The following C1orf105 variants were observed in gnomAD, a reference collection of about 807,000 sequenced individuals.
The protein encoded by C1orf105 is uncharacterized protein C1orf105.
Under a neutral mutation model 20.8 loss-of-function variants are expected in C1orf105, and 17 were observed. The ratio of observed to expected loss-of-function variants is 0.82; its 90% CI spans 0.56 to 1.23. The LOEUF (loss-of-function observed/expected upper bound fraction) is 1.23, where lower values mean the gene tolerates loss of function less well. Among genes scored for constraint, C1orf105 ranks in the 50% most tolerant of loss-of-function variants. C1orf105 has a pLI of 0.00. For missense variants in C1orf105, 219 were observed against 213.5 expected (o/e 1.03, Z -0.16); for synonymous variants, 72 against 72.1 (o/e 1.00, Z 0.01).
chr1:172,430,420 T>A, intron 1 of C1orf105: 1 of 618,260 alleles, frequency 1.6e-6, no homozygotes. Flanking sequence ...AATGAATTTT[T>A]AATTTGCAAT....
chr1:172,455,479 T>C (rs976419303), intron 3 of C1orf105, among the ~76,000 whole-genome samples: 2 of 152,230 alleles, frequency 1.3e-5, no homozygotes, highest in Admixed American at 1.3e-4. Flanking sequence ...TTCTGCACTT[T>C]CTGTGACCAT....
Position 172,420,925 on chromosome 1 carries a change from A to T in C1orf105, c.21+19A>T. The T allele has an allele frequency of 6.3e-7, 1 of 1,596,190 alleles. No individual in the cohort carries two copies. The highest frequency in any genetic ancestry group is 8.6e-7 in the Non-Finnish European group (1 of 1,164,536). ...ACTAAAGGTAGGAAAAAAATAAATG[A>T]AACTTCCAATTCTTTCCTTATGGGG... On this transcript the variant is annotated intron_variant, in intron 1 of 6. Coordinates refer to ENST00000367727, the MANE Select transcript of C1orf105 (RefSeq NM_139240.4).
intron 1 of C1orf105, among the ~76,000 whole-genome samples, chr1:172,434,380 G>T (rs1440078599): frequency 6.6e-6 from 1 of 152,148 alleles, no homozygotes; most frequent in Non-Finnish European, 1.5e-5. Context: ...AAATGTAAAA[G>T]AACAGAAATC....
chr1:172,434,755 G>A (rs949797033), intron 1 of C1orf105, among the ~76,000 whole-genome samples: 1 of 152,182 alleles, frequency 6.6e-6, no homozygotes, highest in African/African-American at 2.4e-5. Flanking sequence ...GATCAGAGCA[G>A]AACTGAAGGA....
chr1:172,438,302 G>C (rs948471353), intron 1 of C1orf105, among the ~76,000 whole-genome samples: 1 of 152,306 alleles, frequency 6.6e-6, no homozygotes, highest in East Asian at 1.9e-4. Flanking sequence ...TCCTCTGATG[G>C]ATCTAGGCAT....
chr1:172,446,949 T>C (rs1648084403), intron 2 of C1orf105, among the ~76,000 whole-genome samples: 1 of 152,194 alleles, frequency 6.6e-6, no homozygotes, highest in South Asian at 2.1e-4. Context: ...GCAATCTTAA[T>C]TCTTGTTTAG....
At chr1:172,434,623 T>C (rs1016074245) in intron 1 of C1orf105, among the ~76,000 whole-genome samples, 6 of 152,232 alleles carry the variant, frequency 3.9e-5, no homozygotes, top group African/African-American at 1.4e-4. Flanking sequence ...GGGAAATTTA[T>C]AGCACTAAAT....
At chr1:172,441,360 C>CTT (rs1647282519) in intron 1 of C1orf105, 1 of 16,580 alleles carries the variant, frequency 6.0e-5, no homozygotes, top group Non-Finnish European at 2.0e-4. Context: ...TTTACACACA[C>CTT]ACACACACAC....
At chr1:172,433,351 A>C (rs1277480755) in intron 1 of C1orf105, among the ~76,000 whole-genome samples, 1 of 152,194 alleles carries the variant, frequency 6.6e-6, no homozygotes, top group Admixed American at 6.5e-5. Context: ...GGCAGCCAGA[A>C]AGAAAGGTCA....
Position 172,462,262 on chromosome 1 carries a change from A to T in C1orf105, c.341+17A>T. On this transcript the variant is annotated intron_variant, in intron 5 of 6. Coordinates refer to ENST00000367727, the MANE Select transcript of C1orf105 (RefSeq NM_139240.4). Reference sequence around the variant, plus strand: ...GAGTTATAGGTAAGTCAACAATTTAAATCAGGACATGACTTAATTCTTGTT... The same window carrying T: ...GAGTTATAGGTAAGTCAACAATTTATATCAGGACATGACTTAATTCTTGTT... The T allele has an allele frequency of 6.4e-7, 1 of 1,568,536 alleles. No homozygotes were observed.
chr1:172,456,772 A>G (rs1649296906), intron 4 of C1orf105, among the ~76,000 whole-genome samples: 1 of 152,188 alleles, frequency 6.6e-6, no homozygotes, highest in Non-Finnish European at 1.5e-5. Context: ...ACAGCCTCTC[A>G]GAGGCTTAGG....
intron 2 of C1orf105, 65 bp downstream of exon 2, chr1:172,445,223 A>G (rs1374424290): frequency 3.9e-6 from 5 of 1,297,086 alleles, no homozygotes; most frequent in African/African-American, 1.5e-5. Flanking sequence ...ATTTCTTCTT[A>G]AGGGATGGGG....
At chr1:172,422,065 C>G (rs1377877527) in intron 1 of C1orf105, among the ~76,000 whole-genome samples, 1 of 152,132 alleles carries the variant, frequency 6.6e-6, no homozygotes, top group African/African-American at 2.4e-5. Flanking sequence ...GCCACAACAA[C>G]TGCAATACCC....
At chr1:172,420,932 C>T (rs920291577) in intron 1 of C1orf105, 26 bp downstream of exon 1, 2 of 1,584,270 alleles carry the variant, frequency 1.3e-6, no homozygotes, top group Non-Finnish European at 8.7e-7. Context: ...ATGAAACTTC[C>T]AATTCTTTCC....
rs190716436 is a variant in C1orf105 at position 172,460,990 on chromosome 1, A to G, written c.274-1188A>G. ...ATTTAGAACAGCAATCATGCTATTCAGGAGGAGTTACAGTTTCCTGCATCT... is the reference window on the plus strand; with the variant it reads ...ATTTAGAACAGCAATCATGCTATTCGGGAGGAGTTACAGTTTCCTGCATCT... On this transcript the variant is annotated intron_variant, in intron 4 of 6. Coordinates refer to ENST00000367727, the MANE Select transcript of C1orf105 (RefSeq NM_139240.4). Among the ~76,000 whole-genome samples, 107 of 152,362 alleles carry G rather than the reference A, an allele frequency of 7.0e-4. No homozygotes were observed. In the East Asian group the frequency reaches 0.014, roughly 20 times the overall value.
Position 172,420,689 on chromosome 1 carries a change from T to A in C1orf105, c.-197T>A. The A allele has an allele frequency of 1.7e-6, 1 of 587,926 alleles. No homozygotes were observed. Among genetic ancestry groups the A allele is most frequent in the Admixed American group, 3.3e-5 (1 of 30,648 alleles). The allele number at this position is 587,926 out of a possible 1,614,324, so 36.4% of individuals were successfully genotyped here. A position where few individuals can be genotyped will look rare whatever the true frequency, so the allele number is the denominator to read the frequency against. On this transcript the variant is annotated 5_prime_UTR_variant, in exon 1 of 7. An upstream start codon of the reference 5' UTR is lost. Coordinates refer to ENST00000367727, the MANE Select transcript of C1orf105 (RefSeq NM_139240.4). The stretch of plus-strand genomic sequence containing the variant: ...CTGAATGGAATTATATGATTCAAGA[T>A]GTAAATCACACAGATGTTGGTAGAG...
At chr1:172,438,197 T>C (rs921431935) in intron 1 of C1orf105, among the ~76,000 whole-genome samples, 2 of 152,328 alleles carry the variant, frequency 1.3e-5, no homozygotes, top group East Asian at 1.9e-4. Context: ...TAACACAGCA[T>C]CCATTCTGAA....
chr1:172,423,648 G>C (rs188390579), intron 1 of C1orf105, among the ~76,000 whole-genome samples: 1 of 152,208 alleles, frequency 6.6e-6, no homozygotes, highest in Admixed American at 6.5e-5. Flanking sequence ...TGAAGAGACA[G>C]AGATAGTGAC....
rs765014184 is a variant in C1orf105 at position 172,462,192 on chromosome 1, A to G, written c.288A>G (p.Thr96=). Residue 96 remains threonine (T), a synonymous_variant, in exon 5 of 7, where the codon ACA becomes ACG. Coordinates refer to ENST00000367727, the MANE Select transcript of C1orf105 (RefSeq NM_139240.4). ...CQEMKMVQPR[T]MKIPDDPKAS... is the part of the protein sequence containing the mutation. ...TTCTTCTTGAGGTACAACCAAGAAC[A>G]ATGAAAATCCCAGATGATCCAAAAG... The G allele has an allele frequency of 6.2e-7, 1 of 1,609,720 alleles. No homozygotes were observed. Among genetic ancestry groups the G allele is most frequent in the South Asian group, 1.1e-5 (1 of 90,080 alleles).
Sources: allele counts gnomAD v4.1 joint callset (sites outside exome capture counted in the v4.1 genomes callset), GRCh38; gene constraint gnomAD v4.1.1; transcripts MANE v1.5; gene names NCBI Gene and HGNC (gene_info 2026-07-23, HGNC 2026-07-21).